CDH13: variants seen among roughly 807,000 people sequenced by gnomAD.
CDH13 encodes the protein cadherin 13, also known as cadherin-13.
Under a neutral mutation model 63.8 loss-of-function variants are expected in CDH13, and 24 were observed. The ratio of observed to expected loss-of-function variants is 0.38; its 90% confidence interval spans 0.27 to 0.53. The LOEUF (loss-of-function observed/expected upper bound fraction) is 0.53. CDH13 is among the 20% of genes least tolerant of loss of function. CDH13 has a pLI of 0.85. For synonymous variants in CDH13, 503 were observed against 355.3 expected (o/e 1.42, Z -4.67); for missense variants, 1,049 against 903.1 (o/e 1.16, Z -2.07).
At chr16:83,120,556 C>G (rs1322013284) in intron 3 of CDH13, among the ~76,000 whole-genome samples, 4 of 152,168 alleles carry the variant, frequency 2.6e-5, no homozygotes, top group Non-Finnish European at 5.9e-5. Context: ...TCCTTTACAT[C>G]TGCACAAAGT....
Position 82,885,642 on chromosome 16 carries a change from T to C in CDH13, c.157+27169T>C, listed in dbSNP as rs139179707. Among the ~76,000 whole-genome samples, 549 of 152,276 alleles carry C rather than the reference T, an allele frequency of 3.6e-3. 7 individuals carry two copies. The highest frequency in any genetic ancestry group is 0.012 in the African/African-American group (495 of 41,560). On this transcript the variant is annotated intron_variant, in intron 2 of 13. Transcript: ENST00000567109. Reference sequence around the variant, plus strand: ...ATCTATCTGTATATTCTTTAATCTATCCATCCATTCATCCTGGGAAGAAAT... The same window carrying C: ...ATCTATCTGTATATTCTTTAATCTACCCATCCATTCATCCTGGGAAGAAAT...
chr16:83,190,173 T>C (rs1364211472), intron 4 of CDH13, among the ~76,000 whole-genome samples: 1 of 152,188 alleles, frequency 6.6e-6, no homozygotes. Context: ...ATTGGGCAAA[T>C]GCCCATTGCT....
intron 4 of CDH13, among the ~76,000 whole-genome samples, chr16:83,199,882 G>A (rs747108947): frequency 2.0e-5 from 3 of 152,136 alleles, no homozygotes; most frequent in African/African-American, 7.2e-5. Context: ...GGGCACATTA[G>A]AGCCAGCGTA....
At chr16:83,192,821 T>G (rs1341724920) in intron 4 of CDH13, among the ~76,000 whole-genome samples, 1 of 152,056 alleles carries the variant, frequency 6.6e-6, no homozygotes, top group Non-Finnish European at 1.5e-5. Context: ...TAAGTGTGGG[T>G]GGAACGGCCA....
At chr16:82,821,720 C>T (rs564388015) in intron 1 of CDH13, among the ~76,000 whole-genome samples, 51 of 152,252 alleles carry the variant, frequency 3.3e-4, no homozygotes, top group African/African-American at 1.2e-3. Flanking sequence ...GGACTATGAC[C>T]CTGTTTGGGG....
chr16:83,214,027 G>T (rs1597528703), intron 4 of CDH13, among the ~76,000 whole-genome samples: 1 of 152,066 alleles, frequency 6.6e-6, no homozygotes, highest in African/African-American at 2.4e-5. Flanking sequence ...CAATCAGCAG[G>T]ACATGGGTGG....
At chr16:83,515,918 A>C (rs927668323) in intron 7 of CDH13, among the ~76,000 whole-genome samples, 2 of 152,210 alleles carry the variant, frequency 1.3e-5, no homozygotes, top group East Asian at 3.8e-4. Context: ...AGCCAGAAAA[A>C]GAAAAGAAAT....
rs1904298366 is a variant in CDH13 at position 83,798,971 on chromosome 16, T to C, written c.*3941T>C. ...TTTGCCCCTTCCCTTCCATGGCTTG[T>C]TAGCAGGTAGATGAGGGGCTTCTCC... On this transcript the variant is annotated 3_prime_UTR_variant, in exon 14 of 14. Transcript: ENST00000567109. 1 of 152,112 alleles carries C rather than the reference T, an allele frequency of 6.6e-6. No homozygotes were observed. 9.4% of individuals were successfully genotyped at this position (152,112 alleles called of 1,614,324 possible).
intron 2 of CDH13, among the ~76,000 whole-genome samples, chr16:82,940,980 G>T (rs926032944): frequency 4.6e-5 from 7 of 152,146 alleles, no homozygotes; most frequent in African/African-American, 1.7e-4. Context: ...AATGGAGAAG[G>T]TGCACATTTG....
chr16:83,268,593 G>A (rs960911645), intron 5 of CDH13, among the ~76,000 whole-genome samples: 9 of 152,108 alleles, frequency 5.9e-5, no homozygotes, highest in Non-Finnish European at 1.2e-4. Flanking sequence ...ACGTTTCTAC[G>A]TTTTTTTGAC....
intron 4 of CDH13, among the ~76,000 whole-genome samples, chr16:83,129,833 C>T (rs957287316): frequency 6.6e-6 from 1 of 152,168 alleles, no homozygotes; most frequent in Non-Finnish European, 1.5e-5. Context: ...GGCACTGATC[C>T]CTTCTGCTTC....
intron 1 of CDH13, among the ~76,000 whole-genome samples, chr16:82,667,532 G>A (rs1186398439): frequency 6.6e-6 from 1 of 152,146 alleles, no homozygotes; most frequent in Non-Finnish European, 1.5e-5. Context: ...ATGTATGATG[G>A]GGCTCCTCTA....
chr16:82,990,738 G>GTCT (rs904577159), intron 2 of CDH13, among the ~76,000 whole-genome samples: 10 of 151,954 alleles, frequency 6.6e-5, no homozygotes, highest in African/African-American at 2.4e-4. Flanking sequence ...TAGAGGTGGG[G>GTCT]TCTTGCTATG....
chr16:82,796,534 T>C (rs1038642443), intron 1 of CDH13, among the ~76,000 whole-genome samples: 1 of 152,198 alleles, frequency 6.6e-6, no homozygotes, highest in Non-Finnish European at 1.5e-5. Flanking sequence ...GGGCACAGTT[T>C]TTCTGTTGAG....
chr16:83,257,775 T>C (rs1906473887), intron 5 of CDH13, among the ~76,000 whole-genome samples: 1 of 152,232 alleles, frequency 6.6e-6, no homozygotes, highest in African/African-American at 2.4e-5. Flanking sequence ...TTCCTTTGTG[T>C]ATATACCCAG....
At chr16:83,788,533 G>A (rs1916041512) in intron 13 of CDH13, among the ~76,000 whole-genome samples, 1 of 150,002 alleles carries the variant, frequency 6.7e-6, no homozygotes, top group Non-Finnish European at 1.5e-5. Context: ...GGATTTTCTT[G>A]TGGTCCTCAC....
intron 2 of CDH13, among the ~76,000 whole-genome samples, chr16:82,909,443 T>C (rs2041757912): frequency 6.6e-6 from 1 of 152,236 alleles, no homozygotes; most frequent in African/African-American, 2.4e-5. Flanking sequence ...TTTTTAACTA[T>C]TCTTTGGTAC....
intron 6 of CDH13, among the ~76,000 whole-genome samples, chr16:83,361,289 C>T (rs540122743): frequency 4.6e-5 from 7 of 152,146 alleles, no homozygotes; most frequent in East Asian, 1.9e-4. Context: ...ATTTGTTTTT[C>T]GCTTGTTGAA....
intron 1 of CDH13, among the ~76,000 whole-genome samples, chr16:82,733,034 C>A (rs773457081): frequency 8.5e-5 from 13 of 152,140 alleles, no homozygotes; most frequent in Non-Finnish European, 1.6e-4. Context: ...TCAGTAGTAA[C>A]CAGGTTTATT....
Sources: gnomAD v4.1 joint callset for allele counts (sites outside exome capture counted in the v4.1 genomes callset) on GRCh38, gnomAD v4.1.1 for gene constraint, MANE v1.5 for transcripts, NCBI Gene and HGNC (gene_info 2026-07-23, HGNC 2026-07-21) for gene names.